Variants in PTK2 observed in about 807,000 individuals in gnomAD.
PTK2 encodes the protein protein tyrosine kinase 2.
Under a neutral mutation model 150.1 loss-of-function variants are expected in PTK2, and 45 were observed. That is an observed-to-expected ratio of 0.30 (90% CI 0.24 to 0.38). The LOEUF is 0.38. Ranked by LOEUF, PTK2 falls within the 10% of genes least tolerant of loss-of-function variation. PTK2 has a pLI of 1.00. For missense variants in PTK2, 919 were observed against 1,307.3 expected, an observed-to-expected ratio of 0.70 and a Z score of 4.58; for synonymous variants, 432 against 449.2, an observed-to-expected ratio of 0.96 and a Z score of 0.48.
At chr8:140,755,845 G>A (rs907334519) in intron 16 of PTK2, among the ~76,000 whole-genome samples, 19 of 152,010 alleles carry the variant, frequency 1.2e-4, no homozygotes, top group South Asian at 2.1e-4. Context: ...TTTATGCCAC[G>A]TTACATTTTG....
chr8:140,697,576 G>A (rs972309835), intron 26 of PTK2, among the ~76,000 whole-genome samples: 1 of 151,990 alleles, frequency 6.6e-6, no homozygotes, highest in Non-Finnish European at 1.5e-5. Context: ...AAGTAGCCTG[G>A]ATTATAGGCA....
chr8:140,733,569 A>G (rs1237929516), intron 22 of PTK2, among the ~76,000 whole-genome samples: 4 of 152,228 alleles, frequency 2.6e-5, no homozygotes, highest in Non-Finnish European at 4.4e-5. Flanking sequence ...GAATCTGTCA[A>G]ATCCTGAGGA....
chr8:140,988,764 T>C (rs2100194405), intron 1 of PTK2, among the ~76,000 whole-genome samples: 1 of 140,928 alleles, frequency 7.1e-6, no homozygotes, highest in Admixed American at 7.1e-5. Context: ...CACACACGTA[T>C]ACGGACAAGT....
chr8:140,890,241 T>C (rs577175806), intron 3 of PTK2: 133 of 276,220 alleles, frequency 4.8e-4, no homozygotes, highest in Non-Finnish European at 7.4e-4. Context: ...TTTAGTTGCA[T>C]TGTTGCCTAG....
chr8:140,874,742 A>G (rs2100144571), intron 4 of PTK2, among the ~76,000 whole-genome samples: 1 of 152,212 alleles, frequency 6.6e-6, no homozygotes. Context: ...TCTGACACAC[A>G]GTAAACAACA....
At chr8:140,809,252 A>G (rs192305255) in intron 10 of PTK2, among the ~76,000 whole-genome samples, 1 of 152,374 alleles carries the variant, frequency 6.6e-6, no homozygotes, top group Admixed American at 6.5e-5. Flanking sequence ...ACTGAAATCA[A>G]TGAAAATGAA....
At chr8:140,677,046 T>TA (rs568632072) in intron 27 of PTK2, among the ~76,000 whole-genome samples, 5 of 151,980 alleles carry the variant, frequency 3.3e-5, no homozygotes, top group East Asian at 1.9e-4. Flanking sequence ...TATATCCATG[T>TA]AAAAAAACTG....
intron 22 of PTK2, among the ~76,000 whole-genome samples, chr8:140,723,364 A>G (rs2100044084): frequency 6.6e-6 from 1 of 152,170 alleles, no homozygotes; most frequent in African/African-American, 2.4e-5. Flanking sequence ...CTCATACCCA[A>G]AATAGCCTGT....
rs990059796 is a variant in PTK2, at chr8:140,961,001, T to C, written c.-121-35252A>G. Among the ~76,000 whole-genome samples, 18 of 152,150 alleles carry C rather than the reference T, an allele frequency of 1.2e-4. 1 individual carries two copies. Among genetic ancestry groups the C allele is most frequent in the Admixed American group, 9.8e-4 (15 of 15,284 alleles). ...GTCTCAAAAATAAAAAAGTACTTTA[T>C]AGATAAAGAGCACTTTTCCTTGGAA... On this transcript the variant is annotated intron_variant, in intron 1 of 31. Coordinates refer to ENST00000522684, the Ensembl canonical transcript of PTK2.
chr8:140,751,969 T>G, intron 17 of PTK2: 2 of 618,404 alleles, frequency 3.2e-6, no homozygotes, highest in Non-Finnish European at 3.1e-6. Flanking sequence ...CCAATTCCAG[T>G]GCAAAGATGT....
chr8:140,989,593 C>T (rs372993922), intron 1 of PTK2, among the ~76,000 whole-genome samples: 24 of 151,194 alleles, frequency 1.6e-4, no homozygotes, highest in South Asian at 2.1e-4. Flanking sequence ...TAAATGCAAA[C>T]GGCCAGCAAA....
intron 14 of PTK2, among the ~76,000 whole-genome samples, chr8:140,782,516 G>C (rs1038761224): frequency 6.6e-6 from 1 of 152,142 alleles, no homozygotes; most frequent in Non-Finnish European, 1.5e-5. Context: ...AGGACTACAG[G>C]CGTGAGGCAC....
chr8:140,854,393 C>T (rs538581974), intron 5 of PTK2, among the ~76,000 whole-genome samples: 1 of 152,268 alleles, frequency 6.6e-6, no homozygotes, highest in African/African-American at 2.4e-5. Flanking sequence ...CTAACAGCCA[C>T]CATCATTTGC....
chr8:140,741,087 T>C (rs899385400), intron 20 of PTK2, among the ~76,000 whole-genome samples: 3 of 151,746 alleles, frequency 2.0e-5, no homozygotes, highest in Non-Finnish European at 2.9e-5. Context: ...GAGGCTGCAG[T>C]GACTTGTGCT....
chr8:140,939,175 T>C (rs2100174787), intron 1 of PTK2, among the ~76,000 whole-genome samples: 1 of 152,184 alleles, frequency 6.6e-6, no homozygotes, highest in Non-Finnish European at 1.5e-5. Context: ...TATCATCTAA[T>C]GAATAAAAGT....
chr8:140,697,955 G>A lies in PTK2; in HGVS notation c.2499+2936C>T, dbSNP rs570336178. Reference sequence around the variant, plus strand: ...AGCGATCTCCCTGCCTCAACCTGCCGAGAAGCTGAGATTATAGTCACTGTG... The same window carrying A: ...AGCGATCTCCCTGCCTCAACCTGCCAAGAAGCTGAGATTATAGTCACTGTG... On this transcript the variant is annotated intron_variant, in intron 26 of 31. Transcript: ENST00000522684. 4.3e-5 allele frequency among the ~76,000 whole-genome samples: 6 copies of A among 139,888 alleles called. No individual in the cohort carries two copies. In the South Asian group the frequency reaches 9.6e-4, roughly 22 times the overall value. The allele number at this position is 139,888 out of a possible 152,430, so 91.8% of individuals were successfully genotyped here.
At chr8:140,672,233 T>A in intron 29 of PTK2, 1 of 421,016 alleles carries the variant, frequency 2.4e-6, no homozygotes, top group South Asian at 1.7e-5. Context: ...CTCACTATGT[T>A]GCGCAGGCCA....
intron 2 of PTK2, among the ~76,000 whole-genome samples, chr8:140,921,614 G>C (rs905836070): frequency 6.6e-6 from 1 of 152,106 alleles, no homozygotes; most frequent in African/African-American, 2.4e-5. Context: ...GGTTGGTACT[G>C]TCATAGTAAG....
chr8:140,938,498 G>A (rs1175759028), intron 1 of PTK2, among the ~76,000 whole-genome samples: 2 of 152,264 alleles, frequency 1.3e-5, no homozygotes, highest in South Asian at 4.2e-4. Flanking sequence ...TCCTCTGTAA[G>A]TTTCCCCAAT....
Sources: allele counts gnomAD v4.1 joint callset (sites outside exome capture counted in the v4.1 genomes callset), GRCh38; gene constraint gnomAD v4.1.1; transcripts MANE v1.5; gene names NCBI Gene and HGNC (gene_info 2026-07-23, HGNC 2026-07-21).